Variants in SORCS1 observed in about 807,000 individuals in gnomAD.
SORCS1 encodes VPS10 domain-containing receptor SorCS1.
Under a neutral mutation model 146.1 loss-of-function variants are expected in SORCS1, and 60 were observed. That is an observed-to-expected ratio of 0.41 (90% CI 0.33 to 0.51). The LOEUF is 0.51. Among genes scored for constraint, SORCS1 ranks in the 20% least tolerant of loss-of-function variants. The pLI, the probability that SORCS1 is intolerant of heterozygous loss-of-function variation, is 0.21. For missense variants in SORCS1, 1,352 were observed against 1,487.6 expected, an observed-to-expected ratio of 0.91 and a Z score of 1.50; for synonymous variants, 637 against 584.0, an observed-to-expected ratio of 1.09 and a Z score of -1.31.
intron 2 of SORCS1, among the ~76,000 whole-genome samples, chr10:106,936,283 G>A (rs1199353027): frequency 6.6e-6 from 1 of 152,084 alleles, no homozygotes; most frequent in Non-Finnish European, 1.5e-5. Flanking sequence ...ATCTTCTAAG[G>A]CAAACAACAA....
At chr10:106,814,918 A>AG (rs61076975) in intron 3 of SORCS1, among the ~76,000 whole-genome samples, 1,576 of 149,586 alleles carry the variant, frequency 0.011, 44 homozygotes, top group East Asian at 0.099. Context: ...CCATCTCAAA[A>AG]AAAAAAAAAA....
chr10:107,029,160 A>G (rs527672816), intron 1 of SORCS1, among the ~76,000 whole-genome samples: 2 of 152,336 alleles, frequency 1.3e-5, no homozygotes, highest in African/African-American at 4.8e-5. Context: ...GTCAATCAAT[A>G]GTTATACTTC....
intron 1 of SORCS1, among the ~76,000 whole-genome samples, chr10:107,101,676 T>C (rs186476027): frequency 3.9e-5 from 6 of 152,006 alleles, no homozygotes; most frequent in African/African-American, 1.4e-4. Context: ...TATGCTTGAA[T>C]AAAAAATAGT....
chr10:107,070,266 TTG>T (rs35586981), intron 1 of SORCS1, among the ~76,000 whole-genome samples: 73,953 of 150,442 alleles, frequency 0.49, 18,841 homozygotes, highest in Middle Eastern at 0.61. Flanking sequence ...CGTAAACAGT[TTG>T]TGTGTGTGTG....
At chr10:106,713,107 T>C (rs1464106807) in intron 6 of SORCS1, among the ~76,000 whole-genome samples, 2 of 152,186 alleles carry the variant, frequency 1.3e-5, no homozygotes, top group Non-Finnish European at 2.9e-5. Context: ...TCAATGTGAA[T>C]GGCTCTAGGT....
At chr10:106,785,695 G>C (rs932857649) in intron 3 of SORCS1, among the ~76,000 whole-genome samples, 2 of 152,184 alleles carry the variant, frequency 1.3e-5, no homozygotes, top group Non-Finnish European at 2.9e-5. Context: ...GACTATTAAA[G>C]CTTTCCTGAA....
chr10:106,962,349 G>A (rs550641056), intron 1 of SORCS1, among the ~76,000 whole-genome samples: 4 of 115,838 alleles, frequency 3.5e-5, no homozygotes, highest in Non-Finnish European at 4.8e-5. Flanking sequence ...GAGCCAAATC[G>A]CAAAATTGCA....
At chr10:106,807,930 T>G (rs1342534844) in intron 3 of SORCS1, among the ~76,000 whole-genome samples, 1 of 152,236 alleles carries the variant, frequency 6.6e-6, no homozygotes, top group Non-Finnish European at 1.5e-5. Flanking sequence ...TCTCTTCTCT[T>G]CCAATGAGTC....
chr10:106,745,978 C>T (rs745593868), intron 5 of SORCS1, among the ~76,000 whole-genome samples: 1 of 152,182 alleles, frequency 6.6e-6, no homozygotes, highest in Non-Finnish European at 1.5e-5. Flanking sequence ...AAATATCAGA[C>T]TAACTAACCC....
intron 23 of SORCS1, 95 bp downstream of exon 23, chr10:106,607,071 G>A (rs1398935312): frequency 1.1e-5 from 16 of 1,504,718 alleles, no homozygotes; most frequent in Non-Finnish European, 1.4e-5. Flanking sequence ...CTGTAGTTAG[G>A]ATCACCAGTT....
intron 2 of SORCS1, among the ~76,000 whole-genome samples, chr10:106,923,357 A>AT (rs1174268442): frequency 6.6e-6 from 1 of 152,174 alleles, no homozygotes; most frequent in Non-Finnish European, 1.5e-5. Flanking sequence ...TTTTAGCTGA[A>AT]TAATATTCCA....
At chr10:106,672,186 G>A (rs1360028091) in intron 15 of SORCS1, among the ~76,000 whole-genome samples, 3 of 152,104 alleles carry the variant, frequency 2.0e-5, no homozygotes, top group South Asian at 2.1e-4. Flanking sequence ...GGTATATGAC[G>A]TTTTTCTGCC....
At chr10:106,723,543 C>T (rs1855931362) in intron 6 of SORCS1, among the ~76,000 whole-genome samples, 1 of 152,096 alleles carries the variant, frequency 6.6e-6, no homozygotes, top group African/African-American at 2.4e-5. Flanking sequence ...CCAGTAATAC[C>T]TCCCGTGATT....
At chr10:107,106,683 T>C (rs1264008681) in intron 1 of SORCS1, among the ~76,000 whole-genome samples, 2 of 152,160 alleles carry the variant, frequency 1.3e-5, no homozygotes, top group Non-Finnish European at 2.9e-5. Context: ...ATCCTAGAAA[T>C]ATATGTGTAC....
chr10:106,796,928 G>A (rs1946592579), intron 3 of SORCS1, among the ~76,000 whole-genome samples: 1 of 152,260 alleles, frequency 6.6e-6, no homozygotes, highest in South Asian at 2.1e-4. Context: ...CCAACATGGT[G>A]AAATCCCGTC....
At chr10:106,915,774 T>G (rs569129463) in intron 2 of SORCS1, among the ~76,000 whole-genome samples, 1 of 152,332 alleles carries the variant, frequency 6.6e-6, no homozygotes, top group Admixed American at 6.5e-5. Context: ...CAATAATGTA[T>G]TGCCCCCTTC....
At chr10:106,946,286 A>C (rs939774274) in intron 2 of SORCS1, among the ~76,000 whole-genome samples, 2 of 152,214 alleles carry the variant, frequency 1.3e-5, no homozygotes, top group Non-Finnish European at 2.9e-5. Context: ...AAAATAAGAC[A>C]TGGTCATAGT....
intron 8 of SORCS1, among the ~76,000 whole-genome samples, chr10:106,703,351 T>C (rs1214096916): frequency 6.6e-6 from 1 of 152,100 alleles, no homozygotes; most frequent in Non-Finnish European, 1.5e-5. Context: ...ACTAGATCCA[T>C]ACTAATAATA....
At chr10:106,891,995 A>C (rs1225884121) in intron 2 of SORCS1, among the ~76,000 whole-genome samples, 1 of 152,184 alleles carries the variant, frequency 6.6e-6, no homozygotes, top group Non-Finnish European at 1.5e-5. Context: ...CTTAATTCTG[A>C]CCAATTCACT....
Sources: gnomAD v4.1 joint callset for allele counts (sites outside exome capture counted in the v4.1 genomes callset) on GRCh38, gnomAD v4.1.1 for gene constraint, MANE v1.5 for transcripts, NCBI Gene and HGNC (gene_info 2026-07-23, HGNC 2026-07-21) for gene names.